The following SEPTIN3 variants were observed in gnomAD, a reference collection of about 807,000 sequenced individuals.
SEPTIN3 encodes the protein septin 3.
Under a neutral mutation model 45.1 loss-of-function variants are expected in SEPTIN3, and 15 were observed. The observed-to-expected ratio is 0.33, with a 90% CI of 0.22 to 0.51. The LOEUF (loss-of-function observed/expected upper bound fraction) is 0.51, where lower values mean the gene tolerates loss of function less well. SEPTIN3 is among the 20% of genes least tolerant of loss of function. SEPTIN3 has a pLI of 0.97. For synonymous variants in SEPTIN3, 148 were observed against 164.8 expected (o/e 0.90, Z 0.78); for missense variants, 289 against 457.2 (o/e 0.63, Z 3.35).
intron 8 of SEPTIN3, 127 bp from the exon 9 acceptor site, chr22:41,992,537 C>T (rs2078335232): frequency 8.1e-6 from 5 of 616,614 alleles, no homozygotes; most frequent in Non-Finnish European, 1.4e-5. Flanking sequence ...TCAGTAGTAT[C>T]TCTGAATGAG....
chr22:41,997,292 C>A lies in SEPTIN3; in HGVS notation c.*325C>A. ...GCCCATCCCAGCTACTTGTAACCAT[C>A]TCTAAGGGCAATGGCATTGCTCCCT... is the stretch of plus-strand genomic sequence containing the variant. On this transcript the variant is annotated 3_prime_UTR_variant, in exon 12 of 12. Transcript: ENST00000644076. 1 of 340,206 alleles carries A rather than the reference C, an allele frequency of 2.9e-6. No homozygotes were observed. Among genetic ancestry groups the A allele is most frequent in the Non-Finnish European group, 5.4e-6 (1 of 184,244 alleles). 21.1% of individuals were successfully genotyped at this position (340,206 alleles called of 1,614,324 possible).
Position 41,976,981 on chromosome 22 carries a change from G to C in SEPTIN3, c.1504+3985G>C. On this transcript the variant is annotated intron_variant, in intron 2 of 11. Transcript: ENST00000644076. The surrounding 1 kb of genome is among the most constrained non-coding windows in gnomAD (Gnocchi z 5.8). ...GAGGCCCGTTTGCAGGGGCCGCTCG[G>C]CCCGGGGAAGCCCGCGCCCCGCTCA... 2 of 1,470,892 alleles carry C rather than the reference G, an allele frequency of 1.4e-6. No homozygotes were observed. Among genetic ancestry groups the C allele is most frequent in the South Asian group, 1.2e-5 (1 of 81,118 alleles). The allele number at this position is 1,470,892 out of a possible 1,614,324, so 91.1% of individuals were successfully genotyped here. A position where few individuals can be genotyped will look rare whatever the true frequency, so the allele number is the denominator to read the frequency against.
intron 3 of SEPTIN3, 137 bp from the exon 4 acceptor site, chr22:41,985,847 C>T: frequency 9.2e-7 from 1 of 1,084,322 alleles, no homozygotes; most frequent in Non-Finnish European, 1.3e-6. Flanking sequence ...CCCACTCAGC[C>T]TGGCCATCCC....
At chr22:41,970,506 G>A (rs1289313334) in intron 1 of SEPTIN3, among the ~76,000 whole-genome samples, 2 of 152,152 alleles carry the variant, frequency 1.3e-5, no homozygotes, top group East Asian at 3.9e-4. Flanking sequence ...CACTGCCCGA[G>A]TGGCCGTTCC....
Position 41,996,951 on chromosome 22 carries a change from G to A in SEPTIN3, c.2555G>A (p.Cys852Tyr), listed in dbSNP as rs1429214758. ...TVLPPVPATP[C>Y]PTAE ...CTTCCACCTGTGCCAGCCACCCCCTGCCCCACTGCTGAATGAAGGCCATTT... is the reference window on the plus strand; with the variant it reads ...CTTCCACCTGTGCCAGCCACCCCCTACCCCACTGCTGAATGAAGGCCATTT... Residue 852 changes from cysteine to tyrosine, a missense_variant, in exon 12 of 12, where the codon TGC becomes TAC. Physicochemically the swap from Cys to Tyr is radical, Grantham distance 194. Transcript: ENST00000644076. 6.2e-7 allele frequency: 1 copy of A among 1,613,856 alleles called. No homozygotes were observed. Among genetic ancestry groups the A allele is most frequent in the African/African-American group, 1.3e-5 (1 of 74,910 alleles).
At chr22:41,988,044 A>G (rs59891937) in intron 6 of SEPTIN3, among the ~76,000 whole-genome samples, 6,199 of 152,242 alleles carry the variant, frequency 0.041, 384 homozygotes, top group African/African-American at 0.14. Flanking sequence ...GTATCAGCAA[A>G]GAGGACTTGG....
rs2077971027 is a variant in SEPTIN3, at chr22:41,972,623, G to C, written c.1131G>C (p.Glu377Asp). 1 of 399,020 alleles carries C rather than the reference G, an allele frequency of 2.5e-6. No individual in the cohort carries two copies. The highest frequency in any genetic ancestry group is 2.1e-5 in the African/African-American group (1 of 48,636). 24.7% of individuals were successfully genotyped at this position (399,020 alleles called of 1,614,324 possible). The stretch of plus-strand genomic sequence containing the variant: ...CAGCCAAACCAGATATGACCACAGA[G>C]GGTATAGCCATGGATTCAGCAACAT... ...RSTAKPDMTTEGIAMDSATSD... is the reference protein window; with the variant it reads ...RSTAKPDMTTDGIAMDSATSD... Residue 377 changes from glutamate to aspartate, a missense_variant, in exon 2 of 12, where the codon GAG becomes GAC. Glu to Asp is a conservative substitution (Grantham distance 45). Transcript: ENST00000644076.
chr22:41,987,382 C>A (rs768544115), intron 5 of SEPTIN3, 95 bp downstream of exon 5: 7 of 1,229,726 alleles, frequency 5.7e-6, no homozygotes, highest in Non-Finnish European at 6.9e-6. Flanking sequence ...CCATCTGCAC[C>A]CTCCATGCTC....
rs1295724767 is a variant in SEPTIN3, at chr22:41,969,606, C to T, written c.-91C>T. 1 of 151,948 alleles carries T rather than the reference C, an allele frequency of 6.6e-6. No individual in the cohort carries two copies. Among genetic ancestry groups the T allele is most frequent in the African/African-American group, 2.4e-5 (1 of 41,252 alleles). The allele number at this position is 151,948 out of a possible 1,614,324, so 9.4% of individuals were successfully genotyped here. ...GGCCACCATGGCCAGACTCTGAGTG[C>T]AGGGGAGGTGAGGGGCCTGCGTGTG... On this transcript the variant is annotated 5_prime_UTR_variant, in exon 1 of 12. Transcript: ENST00000644076.
chr22:41,988,280 A>G (rs1365030858), intron 6 of SEPTIN3, among the ~76,000 whole-genome samples: 1 of 152,166 alleles, frequency 6.6e-6, no homozygotes. Context: ...ATGAAGTACT[A>G]TCTGATAGGC....
chr22:41,996,207 C>A, intron 11 of SEPTIN3: 1 of 985,280 alleles, frequency 1.0e-6, no homozygotes, highest in Non-Finnish European at 1.2e-6. Context: ...TTGCCTTTCC[C>A]TGAAGCCCTG....
intron 2 of SEPTIN3, among the ~76,000 whole-genome samples, chr22:41,978,412 G>C (rs183621379): frequency 3.3e-4 from 50 of 152,286 alleles, no homozygotes; most frequent in Non-Finnish European, 3.7e-4. Flanking sequence ...TCTTCATTCT[G>C]TATAACCTTC....
intron 9 of SEPTIN3, among the ~76,000 whole-genome samples, chr22:41,993,537 G>A (rs929318358): frequency 3.3e-5 from 5 of 152,000 alleles, no homozygotes; most frequent in African/African-American, 7.3e-5. Context: ...TGTATTTTTC[G>A]TAGAGATGGA....
intron 2 of SEPTIN3, among the ~76,000 whole-genome samples, chr22:41,979,640 G>A (rs1017906945): frequency 7.2e-5 from 11 of 152,244 alleles, no homozygotes; most frequent in African/African-American, 2.7e-4. Flanking sequence ...GGAGCTGCCT[G>A]GCTGGGAACA....
Position 41,992,729 on chromosome 22 carries a change from C to T in SEPTIN3, c.2325C>T (p.Val775=), listed in dbSNP as rs1254804095. The T allele has an allele frequency of 5.0e-6, 8 of 1,612,148 alleles. No individual in the cohort carries two copies. The highest frequency in any genetic ancestry group is 6.8e-6 in the Non-Finnish European group (8 of 1,179,298). ...DKEYQVNGKR[V]LGRKTPWGII... is the part of the protein sequence containing the mutation. ...AGTACCAAGTGAATGGCAAGAGGGT[C>T]CTCGGCCGAAAAACTCCATGGGGGA... Residue 775 remains valine, a synonymous_variant, in exon 9 of 12, where the codon GTC becomes GTT. Coordinates refer to ENST00000644076, the MANE Select transcript of SEPTIN3 (RefSeq NM_001363845.2).
intron 6 of SEPTIN3, 94 bp downstream of exon 6, chr22:41,987,853 G>T: frequency 7.2e-7 from 1 of 1,392,202 alleles, no homozygotes; most frequent in Non-Finnish European, 9.8e-7. Context: ...GACTCAGCTA[G>T]GCCTCCCTAG....
intron 1 of SEPTIN3, 144 bp from the exon 2 acceptor site, chr22:41,971,330 C>T: frequency 2.5e-6 from 1 of 397,200 alleles, no homozygotes; most frequent in Non-Finnish European, 4.4e-6. Flanking sequence ...TACATGCATC[C>T]TCCACTAAGG....
chr22:41,978,680 G>C (rs141064311), intron 2 of SEPTIN3, among the ~76,000 whole-genome samples: 1 of 152,330 alleles, frequency 6.6e-6, no homozygotes, highest in Admixed American at 6.5e-5. Flanking sequence ...CAACAACCTT[G>C]TCTGGGGTAC....
rs2077964185 is a variant in SEPTIN3, at chr22:41,971,931, G to T, written c.439G>T (p.Val147Leu). ...KKAAPHEGGR[V>L]SSPGSPPVTL... ...GGCTGCTCCCCATGAAGGAGGGAGG[G>T]TGTCCTCGCCAGGCTCGCCACCTGT... The change falls in exon 2 of 12, where the codon GTG becomes TTG. Residue 147 changes from valine (V) to leucine (L), a missense_variant. Val to Leu is a conservative substitution (Grantham distance 32, BLOSUM62 1). Coordinates refer to ENST00000644076, the MANE Select transcript of SEPTIN3 (RefSeq NM_001363845.2). 2.5e-6 allele frequency: 1 copy of T among 399,154 alleles called. No homozygotes were observed. Among genetic ancestry groups the T allele is most frequent in the Non-Finnish European group, 4.4e-6 (1 of 226,180 alleles). 24.7% of individuals were successfully genotyped at this position (399,154 alleles called of 1,614,324 possible).
Sources: allele counts gnomAD v4.1 joint callset (sites outside exome capture counted in the v4.1 genomes callset), GRCh38; gene constraint gnomAD v4.1.1; non-coding constraint Gnocchi (gnomAD v3.1); transcripts MANE v1.5; gene names NCBI Gene and HGNC (gene_info 2026-07-23, HGNC 2026-07-21).